The following KLHL3 variants were observed in gnomAD, a reference collection of about 807,000 sequenced individuals.
The protein encoded by KLHL3 is kelch like family member 3, also known as kelch-like protein 3.
KLHL3 carries 19 observed loss-of-function variants against 70.5 expected under a neutral mutation model. That is an observed-to-expected ratio of 0.27 (90% CI 0.19 to 0.40). The LOEUF (loss-of-function observed/expected upper bound fraction) is 0.40. Ranked by LOEUF, KLHL3 falls within the 10% of genes least tolerant of loss-of-function variation. The probability of loss-of-function intolerance (pLI) is 1.00; values close to 1 mark genes in which losing one functional copy is unlikely to be tolerated. For synonymous variants in KLHL3, 258 were observed against 290.3 expected (o/e 0.89, Z 1.13); for missense variants, 512 against 771.1 (o/e 0.66, Z 3.98).
intron 5 of KLHL3, among the ~76,000 whole-genome samples, chr5:137,678,438 T>C (rs975973928): frequency 6.6e-6 from 1 of 152,248 alleles, no homozygotes; most frequent in Non-Finnish European, 1.5e-5. Flanking sequence ...TGAAATGTCA[T>C]CTACTTCAGA....
intron 5 of KLHL3, among the ~76,000 whole-genome samples, chr5:137,688,553 T>A (rs1325870485): frequency 1.3e-5 from 2 of 152,176 alleles, no homozygotes; most frequent in East Asian, 3.8e-4. Flanking sequence ...GGAACATGCT[T>A]TCAATGGAAA....
intron 3 of KLHL3, among the ~76,000 whole-genome samples, chr5:137,699,418 T>G (rs917541082): frequency 2.0e-5 from 3 of 152,042 alleles, no homozygotes; most frequent in African/African-American, 7.2e-5. Context: ...TTATCCCAGG[T>G]GTAGCACCAT....
chr5:137,697,226 C>T (rs1228448468), intron 4 of KLHL3, among the ~76,000 whole-genome samples: 3 of 151,396 alleles, frequency 2.0e-5, no homozygotes, highest in African/African-American at 7.3e-5. Flanking sequence ...TGCAGTGGTG[C>T]AGTCTCAGCT....
chr5:137,672,105 AGGG>A (rs922864568), intron 6 of KLHL3, among the ~76,000 whole-genome samples: 1 of 152,234 alleles, frequency 6.6e-6, no homozygotes, highest in African/African-American at 2.4e-5. Context: ...ACGCCAAGGT[AGGG>A]CGTTAACAGA....
chr5:137,698,193 A>G lies in KLHL3; in HGVS notation c.363+94T>C, dbSNP rs1752489901. Reference sequence around the variant, plus strand: ...AGCTTTAGTTTCCTCTTCAGTAACCAACTGAATTGTTGTGAGGGTTAAATA... The same window carrying G: ...AGCTTTAGTTTCCTCTTCAGTAACCGACTGAATTGTTGTGAGGGTTAAATA... On this transcript the variant is annotated intron_variant, in intron 4 of 14. Coordinates refer to ENST00000309755, the MANE Select transcript of KLHL3 (RefSeq NM_017415.3). 2.2e-5 allele frequency: 33 copies of G among 1,485,994 alleles called. No homozygotes were observed. The Middle Eastern group carries it at 8.8e-4, about 40-fold the overall frequency. 92.1% of individuals were successfully genotyped at this position (1,485,994 alleles called of 1,614,324 possible). A position where few individuals can be genotyped will look rare whatever the true frequency, so the allele number is the denominator to read the frequency against.
intron 5 of KLHL3, among the ~76,000 whole-genome samples, chr5:137,685,025 T>C (rs1752128619): frequency 6.6e-6 from 1 of 152,098 alleles, no homozygotes; most frequent in African/African-American, 2.4e-5. Context: ...GACATAGAGA[T>C]GATGCTTCAG....
At chr5:137,637,465 G>A (rs1052657579) in intron 10 of KLHL3, 70 bp from the exon 11 acceptor site, 1 of 1,358,674 alleles carries the variant, frequency 7.4e-7, no homozygotes, top group Non-Finnish European at 1.0e-6. Context: ...AAGCAGTGAG[G>A]ATGGGGGAGG....
chr5:137,697,320 C>T lies in KLHL3; in HGVS notation c.363+967G>A, dbSNP rs538198831. On this transcript the variant is annotated intron_variant, in intron 4 of 14. Transcript: ENST00000309755. ...ATGGAATTAAAGGCACCTGCCACCA[C>T]GCCCAGCTAATTTTTGTCTTTTCAG... Among the ~76,000 whole-genome samples the T allele has an allele frequency of 6.6e-5, 10 of 152,240 alleles. No homozygotes were observed. In the East Asian group the frequency reaches 1.7e-3, roughly 26 times the overall value.
intron 7 of KLHL3, chr5:137,660,739 A>G (rs1429944238): frequency 6.6e-6 from 1 of 152,250 alleles, no homozygotes; most frequent in Non-Finnish European, 1.5e-5. Context: ...CACAAAGACT[A>G]CAGAGTAAGA....
intron 10 of KLHL3, among the ~76,000 whole-genome samples, chr5:137,637,890 C>T (rs921505652): frequency 2.6e-5 from 4 of 152,146 alleles, no homozygotes; most frequent in African/African-American, 7.2e-5. Flanking sequence ...ATATAGATAC[C>T]ATTCCCCTTT....
chr5:137,629,810 C>T (rs1209850924), intron 12 of KLHL3: 2 of 152,200 alleles, frequency 1.3e-5, no homozygotes, highest in Admixed American at 6.5e-5. Context: ...TCCAAAGCTG[C>T]CTCACCTTCC....
Position 137,686,937 on chromosome 5 carries a change from T to G in KLHL3, c.526+5348A>C, listed in dbSNP as rs1327801931. On this transcript the variant is annotated intron_variant, in intron 5 of 14. Transcript: ENST00000309755. ...CCCCTACTGGGAAGTGAGGAGCCCC[T>G]CTGCCCGGCCAGCCGCCCCGTCCGG... is the stretch of plus-strand genomic sequence containing the variant. Among the ~76,000 whole-genome samples, 4 of 82,154 alleles carry G rather than the reference T, an allele frequency of 4.9e-5. 1 individual carries two copies. Among genetic ancestry groups the G allele is most frequent in the Non-Finnish European group, 7.7e-5 (3 of 39,188 alleles). The allele number at this position is 82,154 out of a possible 152,430, so 53.9% of individuals were successfully genotyped here. A position where few individuals can be genotyped will look rare whatever the true frequency, so the allele number is the denominator to read the frequency against.
chr5:137,716,621 G>A (rs758736281), intron 2 of KLHL3, among the ~76,000 whole-genome samples: 55 of 152,194 alleles, frequency 3.6e-4, no homozygotes, highest in Non-Finnish European at 7.3e-4. Context: ...TGCAATTGAG[G>A]TTCTTGCTCT....
In KLHL3 at chr5:137,625,894, C is replaced by G. The variant is rs1750448763; in HGVS notation, c.1594G>C (p.Val532Leu). ...DMNMCRRNAGVCAVNGLLYVV... is the reference protein window; with the variant it reads ...DMNMCRRNAGLCAVNGLLYVV... ...TACAGGAGCCCATTTACTGCACAGA[C>G]CCCTGTGAGTCAAACAAAAGCCATG... Residue 532 changes from valine to leucine, a missense_variant and splice_region_variant, in exon 14 of 15, where the codon GTC becomes CTC. Val to Leu is a conservative substitution (Grantham distance 32, BLOSUM62 1). Coordinates refer to ENST00000309755, the MANE Select transcript of KLHL3 (RefSeq NM_017415.3). 1 of 1,614,064 alleles carries G rather than the reference C, an allele frequency of 6.2e-7. No individual in the cohort carries two copies. The highest frequency in any genetic ancestry group is 1.3e-5 in the African/African-American group (1 of 74,934).
chr5:137,645,083 T>C (rs1281021242), intron 8 of KLHL3, among the ~76,000 whole-genome samples: 2 of 152,198 alleles, frequency 1.3e-5, no homozygotes, highest in African/African-American at 2.4e-5. Context: ...TTTCAATAGA[T>C]GCAGAAAAAG....
intron 8 of KLHL3, among the ~76,000 whole-genome samples, chr5:137,644,100 G>A (rs569281181): frequency 3.3e-4 from 50 of 152,070 alleles, no homozygotes; most frequent in Admixed American, 2.8e-3. Context: ...ACAGAGTCTC[G>A]CTCTGTCACC....
In KLHL3 at chr5:137,735,861, C is replaced by CTTA. The variant is rs1753253087; in HGVS notation, c.-218_-216dup. On this transcript the variant is annotated 5_prime_UTR_variant, in exon 1 of 15. Transcript: ENST00000309755. ...CAAAAGCAGCAGCAACAGAAAATGT[C>CTTA]TTACCCAGAGCTCCCTGCAGCCCTT... The CTTA allele has an allele frequency of 1.5e-6, 1 of 647,780 alleles. No homozygotes were observed. The highest frequency in any genetic ancestry group is 1.8e-5 in the African/African-American group (1 of 55,956). 40.1% of individuals were successfully genotyped at this position (647,780 alleles called of 1,614,324 possible).
chr5:137,735,575 G>A (rs1580794166), intron 1 of KLHL3, 58 bp downstream of exon 1: 6 of 1,366,876 alleles, frequency 4.4e-6, no homozygotes, highest in East Asian at 4.6e-5. Flanking sequence ...TGGCTGCACC[G>A]CAAGCACACA....
intron 2 of KLHL3, among the ~76,000 whole-genome samples, chr5:137,714,108 T>C (rs1752850363): frequency 7.1e-6 from 1 of 141,596 alleles, no homozygotes; most frequent in African/African-American, 2.6e-5. Flanking sequence ...TCATTAACAA[T>C]CAGAGAAATG....
Sources: allele counts gnomAD v4.1 joint callset (sites outside exome capture counted in the v4.1 genomes callset), GRCh38; gene constraint gnomAD v4.1.1; transcripts MANE v1.5; gene names NCBI Gene and HGNC (gene_info 2026-07-23, HGNC 2026-07-21).